Variants in CPNE4 observed in about 807,000 individuals in gnomAD.
The protein encoded by CPNE4 is copine 4.
A neutral mutation model predicts 67.9 loss-of-function variants in CPNE4; 25 were observed. That is an observed-to-expected ratio of 0.37 (90% CI 0.27 to 0.51). The LOEUF (loss-of-function observed/expected upper bound fraction) is 0.51. Among genes scored for constraint, CPNE4 ranks in the 20% least tolerant of loss-of-function variants. The probability of loss-of-function intolerance (pLI) is 0.93; values close to 1 mark genes in which losing one functional copy is unlikely to be tolerated. For missense variants in CPNE4, 464 were observed against 690.8 expected, an observed-to-expected ratio of 0.67 and a Z score of 3.68; for synonymous variants, 242 against 244.9, an observed-to-expected ratio of 0.99 and a Z score of 0.11.
At chr3:131,867,087 C>T (rs2086984139) in intron 2 of CPNE4, among the ~76,000 whole-genome samples, 1 of 152,154 alleles carries the variant, frequency 6.6e-6, no homozygotes, top group South Asian at 2.1e-4. Context: ...GGTGAGAAGT[C>T]AAAAAGGCAG....
At chr3:131,743,972 A>AAAC (rs1553763690) in intron 2 of CPNE4, among the ~76,000 whole-genome samples, 1 of 148,572 alleles carries the variant, frequency 6.7e-6, no homozygotes, top group Non-Finnish European at 1.5e-5. Context: ...CAAAAAAAAA[A>AAAC]AAAAAAAAAA....
At chr3:131,900,358 T>C (rs2088505048) in intron 2 of CPNE4, among the ~76,000 whole-genome samples, 1 of 152,084 alleles carries the variant, frequency 6.6e-6, no homozygotes, top group Admixed American at 6.6e-5. Flanking sequence ...GTGGTGAGTA[T>C]GTGGAGAAAA....
chr3:131,601,724 T>TG (rs989511362), intron 7 of CPNE4, among the ~76,000 whole-genome samples: 1 of 152,108 alleles, frequency 6.6e-6, no homozygotes, highest in African/African-American at 2.4e-5. Flanking sequence ...TGCACAGAAT[T>TG]GGAATGTAAT....
chr3:131,983,861 T>C (rs2072972559), intron 1 of CPNE4, among the ~76,000 whole-genome samples: 1 of 152,168 alleles, frequency 6.6e-6, no homozygotes, highest in Non-Finnish European at 1.5e-5. Context: ...ATCAATTGAT[T>C]TACATCTATG....
intron 2 of CPNE4, among the ~76,000 whole-genome samples, chr3:131,781,144 G>C (rs1016422737): frequency 6.6e-6 from 1 of 152,038 alleles, no homozygotes; most frequent in Non-Finnish European, 1.5e-5. Context: ...GTAAACCCGG[G>C]TATGGATAAA....
intron 1 of CPNE4, among the ~76,000 whole-genome samples, chr3:131,932,877 C>T (rs954433703): frequency 1.3e-5 from 2 of 152,070 alleles, no homozygotes; most frequent in African/African-American, 4.8e-5. Context: ...AATAATTAGC[C>T]AGGTGTGGTG....
chr3:131,998,031 A>C (rs1030930271), intron 1 of CPNE4, among the ~76,000 whole-genome samples: 1 of 152,148 alleles, frequency 6.6e-6, no homozygotes, highest in African/African-American at 2.4e-5. Flanking sequence ...TTGGGGATTA[A>C]GTTTCCAACA....
At chr3:131,637,458 C>T (rs962418562) in intron 7 of CPNE4, among the ~76,000 whole-genome samples, 1 of 152,050 alleles carries the variant, frequency 6.6e-6, no homozygotes, top group Non-Finnish European at 1.5e-5. Context: ...AGCTCAAACA[C>T]AAGACTTTCA....
At chr3:131,982,132 G>C (rs1271783352) in intron 1 of CPNE4, among the ~76,000 whole-genome samples, 1 of 152,042 alleles carries the variant, frequency 6.6e-6, no homozygotes, top group Non-Finnish European at 1.5e-5. Context: ...TTCTTTAAAG[G>C]TCCACTGTAT....
intron 2 of CPNE4, among the ~76,000 whole-genome samples, chr3:131,830,596 G>A (rs957912771): frequency 1.3e-5 from 2 of 152,102 alleles, no homozygotes; most frequent in African/African-American, 2.4e-5. Context: ...CACCTTCAAT[G>A]AAGCCTGCTC....
chr3:131,864,490 T>C (rs1033808583), intron 2 of CPNE4, among the ~76,000 whole-genome samples: 7 of 152,146 alleles, frequency 4.6e-5, no homozygotes, highest in African/African-American at 1.7e-4. Context: ...AGTTCACTCA[T>C]GATTTGGCTC....
chr3:131,688,808 C>T (rs2080958582), intron 5 of CPNE4, among the ~76,000 whole-genome samples: 3 of 151,990 alleles, frequency 2.0e-5, no homozygotes, highest in Admixed American at 6.6e-5. Context: ...ATTCCATAAC[C>T]ATCAATAGAA....
chr3:131,792,635 A>G (rs553603813), intron 2 of CPNE4, among the ~76,000 whole-genome samples: 5,300 of 78,446 alleles, frequency 0.068, 432 homozygotes, highest in East Asian at 0.11. Context: ...ATATATACAC[A>G]CGTGTATATA....
chr3:131,797,571 G>A (rs116187073), intron 2 of CPNE4, among the ~76,000 whole-genome samples: 6 of 152,274 alleles, frequency 3.9e-5, no homozygotes, highest in Admixed American at 2.6e-4. Flanking sequence ...CATCTATTCT[G>A]CAGGAACTAG....
intron 1 of CPNE4, among the ~76,000 whole-genome samples, chr3:131,943,098 G>T (rs1003643833): frequency 7.2e-5 from 11 of 152,138 alleles, no homozygotes. Context: ...TGGATATAAA[G>T]TATAATTTGT....
rs376767115 is a variant in CPNE4, at chr3:131,758,903, CT to C, written c.181-35279del. 3.0e-4 allele frequency among the ~76,000 whole-genome samples: 45 copies of C among 152,196 alleles called. No individual in the cohort carries two copies. In the East Asian group the frequency reaches 8.1e-3, roughly 27 times the overall value. On this transcript the variant is annotated intron_variant, in intron 2 of 15. Transcript: ENST00000429747. Reference sequence around the variant, plus strand: ...CTGCCATGTAAGAAGTGCCTTTTGCCTCCCACCATGATTCTGAGGCCTCCCC... The same window carrying C: ...CTGCCATGTAAGAAGTGCCTTTTGCCCCCACCATGATTCTGAGGCCTCCCC...
At chr3:131,952,939 TA>T (rs1434146721) in intron 1 of CPNE4, among the ~76,000 whole-genome samples, 3 of 152,094 alleles carry the variant, frequency 2.0e-5, no homozygotes, top group African/African-American at 7.2e-5. Flanking sequence ...TCTGTGACCT[TA>T]CCCCCAACCC....
At chr3:131,945,740 C>A (rs1047476783) in intron 1 of CPNE4, among the ~76,000 whole-genome samples, 6 of 152,138 alleles carry the variant, frequency 3.9e-5, no homozygotes, top group African/African-American at 1.4e-4. Context: ...CTATTTCTCT[C>A]CTGGCATCTC....
chr3:131,690,488 T>C (rs2081009895), intron 5 of CPNE4, among the ~76,000 whole-genome samples: 1 of 152,190 alleles, frequency 6.6e-6, no homozygotes, highest in Admixed American at 6.5e-5. Context: ...GCTAGCAATA[T>C]GCAGAAGACT....
Sources: allele counts gnomAD v4.1 joint callset (sites outside exome capture counted in the v4.1 genomes callset), GRCh38; gene constraint gnomAD v4.1.1; transcripts MANE v1.5; gene names NCBI Gene and HGNC (gene_info 2026-07-23, HGNC 2026-07-21).